SORCS3: variants seen among roughly 807,000 people sequenced by gnomAD.
SORCS3 encodes the protein VPS10 domain-containing receptor SorCS3.
SORCS3 carries 57 observed loss-of-function variants against 146.3 expected under a neutral mutation model. That is an observed-to-expected ratio of 0.39 (90% CI 0.31 to 0.49). The LOEUF (loss-of-function observed/expected upper bound fraction) is 0.49, where lower values mean the gene tolerates loss of function less well. SORCS3 is among the 20% of genes least tolerant of loss of function. The pLI is 0.92. For missense variants in SORCS3, 1,341 were observed against 1,575.5 expected (o/e 0.85, Z 2.52); for synonymous variants, 653 against 618.5 (o/e 1.06, Z -0.83).
chr10:105,052,838 C>T (rs751432495), intron 5 of SORCS3, among the ~76,000 whole-genome samples: 8 of 152,034 alleles, frequency 5.3e-5, no homozygotes, highest in East Asian at 1.9e-4. Context: ...CTTGGTTGCA[C>T]GGAGGAGAAA....
intron 1 of SORCS3, among the ~76,000 whole-genome samples, chr10:104,812,459 C>T (rs1296093212): frequency 5.3e-5 from 8 of 152,224 alleles, no homozygotes; most frequent in Non-Finnish European, 1.2e-4. Flanking sequence ...AACAAAACCT[C>T]TTCTACTCAA....
intron 1 of SORCS3, among the ~76,000 whole-genome samples, chr10:104,783,486 C>A (rs186574696): frequency 5.9e-5 from 9 of 152,304 alleles, no homozygotes; most frequent in Non-Finnish European, 1.3e-4. Flanking sequence ...GTAATCCCAG[C>A]ATGTTGGGGG....
At chr10:104,708,528 C>T (rs535569288) in intron 1 of SORCS3, among the ~76,000 whole-genome samples, 6 of 152,324 alleles carry the variant, frequency 3.9e-5, no homozygotes, top group African/African-American at 9.6e-5. Context: ...CATGTATCTT[C>T]GCTTAGCTGA....
chr10:105,035,035 T>C (rs188097410), intron 4 of SORCS3, among the ~76,000 whole-genome samples: 1 of 152,282 alleles, frequency 6.6e-6, no homozygotes, highest in African/African-American at 2.4e-5. Context: ...CTCCCTATCA[T>C]GAGGATATCA....
intron 2 of SORCS3, among the ~76,000 whole-genome samples, chr10:104,910,671 T>C (rs2018957565): frequency 1.3e-5 from 2 of 152,200 alleles, no homozygotes; most frequent in South Asian, 4.1e-4. Context: ...TTAAATCTAA[T>C]AGTGGCCAAA....
At chr10:105,094,866 T>A (rs899639141) in intron 6 of SORCS3, among the ~76,000 whole-genome samples, 2 of 152,146 alleles carry the variant, frequency 1.3e-5, no homozygotes, top group African/African-American at 4.8e-5. Flanking sequence ...GGCTGTAAAT[T>A]ATAATCTGGA....
chr10:105,141,138 T>A (rs2056092706), intron 8 of SORCS3, among the ~76,000 whole-genome samples: 1 of 152,144 alleles, frequency 6.6e-6, no homozygotes, highest in African/African-American at 2.4e-5. Context: ...AACCAACCAT[T>A]CACTCCCCTG....
chr10:104,901,554 T>G (rs1405653546), intron 2 of SORCS3, among the ~76,000 whole-genome samples: 1 of 152,214 alleles, frequency 6.6e-6, no homozygotes, highest in Non-Finnish European at 1.5e-5. Flanking sequence ...ATAGCACTCT[T>G]GAGCCCCTTT....
intron 19 of SORCS3, among the ~76,000 whole-genome samples, chr10:105,219,199 A>C (rs2056684117): frequency 6.6e-6 from 1 of 152,166 alleles, no homozygotes; most frequent in Admixed American, 6.5e-5. Flanking sequence ...TTACAGCGAA[A>C]GGGTACAAAA....
chr10:104,848,503 G>A (rs2018233329), intron 2 of SORCS3, among the ~76,000 whole-genome samples: 1 of 152,130 alleles, frequency 6.6e-6, no homozygotes, highest in African/African-American at 2.4e-5. Context: ...ATTCCTTGGT[G>A]GAATTCCTGC....
At chr10:105,221,970 G>A (rs1334717924) in intron 19 of SORCS3, among the ~76,000 whole-genome samples, 1 of 150,652 alleles carries the variant, frequency 6.6e-6, no homozygotes, top group Non-Finnish European at 1.5e-5. Context: ...TAGGAAAGGA[G>A]GGAAAAAGGG....
At chr10:104,978,497 G>C (rs373819530) in intron 4 of SORCS3, among the ~76,000 whole-genome samples, 2 of 152,174 alleles carry the variant, frequency 1.3e-5, no homozygotes, top group African/African-American at 4.8e-5. Flanking sequence ...CCCCAGCATA[G>C]CTGGCTCTCT....
At chr10:105,178,034 C>G in intron 13 of SORCS3, 32 bp from the exon 14 acceptor site, 2 of 1,512,430 alleles carry the variant, frequency 1.3e-6, no homozygotes, top group South Asian at 1.1e-5. Flanking sequence ...TTATTTTCAG[C>G]TGTCTTTTTT....
At chr10:104,834,727 A>C (rs2018046580) in intron 1 of SORCS3, among the ~76,000 whole-genome samples, 1 of 146,236 alleles carries the variant, frequency 6.8e-6, no homozygotes, top group South Asian at 2.1e-4. Flanking sequence ...CTAGGATATT[A>C]TCTTAGAGGG....
intron 14 of SORCS3, among the ~76,000 whole-genome samples, chr10:105,199,059 G>A (rs778835098): frequency 2.0e-5 from 3 of 152,028 alleles, no homozygotes; most frequent in African/African-American, 7.2e-5. Context: ...GAGAATCCAG[G>A]GCTGGTAGTG....
At chr10:104,979,565 T>TTGTG (rs60597563) in intron 4 of SORCS3, among the ~76,000 whole-genome samples, 8,973 of 150,390 alleles carry the variant, frequency 0.06, 256 homozygotes, top group African/African-American at 0.075. Context: ...GAATTTGTGT[T>TTGTG]TGTGTGTGTG....
intron 7 of SORCS3, among the ~76,000 whole-genome samples, chr10:105,135,682 G>T (rs964035248): frequency 1.3e-5 from 2 of 152,154 alleles, no homozygotes; most frequent in African/African-American, 4.8e-5. Flanking sequence ...TGCATTGATA[G>T]TTCTTCCAGA....
At chr10:104,789,336 G>T (rs1292116105) in intron 1 of SORCS3, among the ~76,000 whole-genome samples, 2 of 152,204 alleles carry the variant, frequency 1.3e-5, no homozygotes, top group Non-Finnish European at 2.9e-5. Flanking sequence ...GGTGCTGGGA[G>T]TCTATGGGAG....
chr10:104,974,489 T>G (rs2054881939), intron 3 of SORCS3, among the ~76,000 whole-genome samples: 1 of 152,222 alleles, frequency 6.6e-6, no homozygotes, highest in Non-Finnish European at 1.5e-5. Flanking sequence ...TGTTTTGAAG[T>G]CTGTTTTATC....
Sources: gnomAD v4.1 joint callset for allele counts (sites outside exome capture counted in the v4.1 genomes callset) on GRCh38, gnomAD v4.1.1 for gene constraint, MANE v1.5 for transcripts, NCBI Gene and HGNC (gene_info 2026-07-23, HGNC 2026-07-21) for gene names.